Variants in TRHR observed in about 807,000 individuals in gnomAD.
TRHR encodes thyrotropin releasing hormone receptor.
A neutral mutation model predicts 28.0 loss-of-function variants in TRHR; 14 were observed. That is an observed-to-expected ratio of 0.50 (90% CI 0.33 to 0.78). TRHR has a LOEUF of 0.78. Among genes scored for constraint, TRHR ranks in the 30% least tolerant of loss-of-function variants. TRHR has a pLI of 0.02. For missense variants in TRHR, 438 were observed against 469.5 expected (o/e 0.93, Z 0.62); for synonymous variants, 176 against 171.9 (o/e 1.02, Z -0.18).
At chr8:109,116,622 T>G (rs1811926078) in intron 2 of TRHR, among the ~76,000 whole-genome samples, 1 of 152,166 alleles carries the variant, frequency 6.6e-6, no homozygotes, top group Non-Finnish European at 1.5e-5. Context: ...GATGGTAGTT[T>G]GTATTTCTGT....
intron 2 of TRHR, among the ~76,000 whole-genome samples, chr8:109,116,512 C>T (rs988107486): frequency 1.3e-5 from 2 of 152,058 alleles, no homozygotes; most frequent in Non-Finnish European, 2.9e-5. Context: ...GATTCAACTT[C>T]TTCCTGGTTT....
chr8:109,090,831 A>C (rs1339344221), intron 2 of TRHR, among the ~76,000 whole-genome samples: 1 of 152,216 alleles, frequency 6.6e-6, no homozygotes, highest in Non-Finnish European at 1.5e-5. Flanking sequence ...AGGGGCACAT[A>C]GAGTGGGACT....
At chr8:109,112,803 C>T (rs1811855247) in intron 2 of TRHR, among the ~76,000 whole-genome samples, 1 of 152,176 alleles carries the variant, frequency 6.6e-6, no homozygotes, top group South Asian at 2.1e-4. Flanking sequence ...GGGTAGCTAA[C>T]TTTGATACTT....
intron 2 of TRHR, among the ~76,000 whole-genome samples, chr8:109,104,935 C>T (rs1241709764): frequency 6.6e-6 from 1 of 152,074 alleles, no homozygotes; most frequent in East Asian, 1.9e-4. Context: ...GCCTGAGCAA[C>T]ATAGAAACAC....
intron 2 of TRHR, among the ~76,000 whole-genome samples, chr8:109,112,329 G>C (rs1211151035): frequency 6.6e-6 from 1 of 152,056 alleles, no homozygotes; most frequent in African/African-American, 2.4e-5. Context: ...AGGGAATTGA[G>C]GTATGAATCA....
intron 2 of TRHR, among the ~76,000 whole-genome samples, chr8:109,113,117 A>G (rs1279313233): frequency 6.6e-6 from 1 of 152,094 alleles, no homozygotes; most frequent in East Asian, 1.9e-4. Flanking sequence ...GATTTTCTGG[A>G]TATGCTTAAG....
intron 2 of TRHR, among the ~76,000 whole-genome samples, chr8:109,100,040 C>A (rs988361555): frequency 4.6e-5 from 7 of 152,090 alleles, no homozygotes; most frequent in African/African-American, 1.7e-4. Flanking sequence ...TTTTAAAGAT[C>A]ATTTTTGTGT....
intron 2 of TRHR, among the ~76,000 whole-genome samples, chr8:109,093,227 C>G (rs2129876313): frequency 6.6e-6 from 1 of 151,872 alleles, no homozygotes; most frequent in Non-Finnish European, 1.5e-5. Context: ...TCCCTCTCTC[C>G]CATGTGTCTC....
In TRHR at chr8:109,120,717, G is replaced by A. The variant is rs1307997339; in HGVS notation, c.*1262G>A. Among the ~76,000 whole-genome samples, 4 of 151,648 alleles carry A rather than the reference G, an allele frequency of 2.6e-5. No homozygotes were observed. Among genetic ancestry groups the A allele is most frequent in the African/African-American group, 7.3e-5 (3 of 41,336 alleles). On this transcript the variant is annotated 3_prime_UTR_variant, in exon 3 of 3. Coordinates refer to ENST00000518632, the MANE Select transcript of TRHR (RefSeq NM_003301.7). ...TTTATGACTGACATCTGCTATTCCA[G>A]TGTTTATTGGAGACTTGTGAATGAA...
At chr8:109,110,893 C>T (rs1405720463) in intron 2 of TRHR, among the ~76,000 whole-genome samples, 2 of 152,128 alleles carry the variant, frequency 1.3e-5, no homozygotes. Context: ...CGGTGGCTCA[C>T]GCCTGTAATC....
chr8:109,088,226 A>C lies in TRHR; in HGVS notation c.714A>C (p.Ser238=). The part of the protein sequence containing the change: ...KENSKTWKND[S]THQNTNLNVN... Reference sequence around the variant, plus strand: ...ACTCTAAGACATGGAAAAATGATTCAACCCATCAGAACACAAATCTGAATG... The same window carrying C: ...ACTCTAAGACATGGAAAAATGATTCCACCCATCAGAACACAAATCTGAATG... Residue 238 remains serine (S), a synonymous_variant, in exon 2 of 3, where the codon TCA becomes TCC. Transcript: ENST00000518632. The C allele has an allele frequency of 6.2e-7, 1 of 1,614,100 alleles. No homozygotes were observed. The highest frequency in any genetic ancestry group is 1.3e-5 in the African/African-American group (1 of 75,052).
chr8:109,119,156 T>A lies in TRHR; in HGVS notation c.898T>A (p.Trp300Arg), dbSNP rs1389665014. Reference sequence around the variant, plus strand: ...TCTCTCCAGTCCTTTCCAAGAAAATTGGTTTTTGCTCTTTTGCAGAATTTG... The same window carrying A: ...TCTCTCCAGTCCTTTCCAAGAAAATAGGTTTTTGCTCTTTTGCAGAATTTG... The part of the protein sequence containing the change: ...SFLSSPFQEN[W>R]FLLFCRICIY... Residue 300 changes from tryptophan (W) to arginine (R), a missense_variant, in exon 3 of 3, where the codon TGG becomes AGG. Physicochemically the swap from Trp to Arg is moderately radical, Grantham distance 101 (BLOSUM62 -3). Transcript: ENST00000518632. 5.6e-6 allele frequency: 9 copies of A among 1,612,836 alleles called. No homozygotes were observed. Among genetic ancestry groups the A allele is most frequent in the Non-Finnish European group, 7.6e-6 (9 of 1,179,218 alleles).
intron 2 of TRHR, among the ~76,000 whole-genome samples, chr8:109,098,828 C>T (rs2129894003): frequency 6.6e-6 from 1 of 152,290 alleles, no homozygotes; most frequent in African/African-American, 2.4e-5. Context: ...CCACCACTGG[C>T]AGGGTTTGGT....
intron 2 of TRHR, among the ~76,000 whole-genome samples, chr8:109,114,626 C>A (rs1042689289): frequency 1.3e-5 from 2 of 152,046 alleles, no homozygotes; most frequent in African/African-American, 4.8e-5. Flanking sequence ...TAAATTACTT[C>A]TAGTCCCATG....
At chr8:109,093,951 G>C (rs933071682) in intron 2 of TRHR, among the ~76,000 whole-genome samples, 4 of 151,942 alleles carry the variant, frequency 2.6e-5, no homozygotes, top group South Asian at 2.1e-4. Flanking sequence ...GAATTCATGA[G>C]AGGCTACGTA....
At chr8:109,114,310 C>T (rs1156878374) in intron 2 of TRHR, among the ~76,000 whole-genome samples, 1 of 152,050 alleles carries the variant, frequency 6.6e-6, no homozygotes, top group Non-Finnish European at 1.5e-5. Context: ...AAATTTTAAT[C>T]CATTAATTTT....
intron 2 of TRHR, among the ~76,000 whole-genome samples, chr8:109,095,639 CAGAAAAGACAT>C (rs1188638947): frequency 6.6e-6 from 1 of 152,158 alleles, no homozygotes; most frequent in Non-Finnish European, 1.5e-5. Flanking sequence ...TGTGTAGCTT[CAGAAAAGACAT>C]CTCCTGACCC....
chr8:109,106,018 A>G (rs750751659), intron 2 of TRHR, among the ~76,000 whole-genome samples: 1 of 152,180 alleles, frequency 6.6e-6, no homozygotes, highest in Non-Finnish European at 1.5e-5. Context: ...AATTATAAAT[A>G]CACATTAAAT....
intron 2 of TRHR, among the ~76,000 whole-genome samples, chr8:109,113,942 T>G (rs1219230967): frequency 1.3e-5 from 2 of 152,026 alleles, no homozygotes; most frequent in Non-Finnish European, 2.9e-5. Context: ...ATAGCCCTCT[T>G]GAGGAAGTAT....
Sources: gnomAD v4.1 joint callset for allele counts (sites outside exome capture counted in the v4.1 genomes callset) on GRCh38, gnomAD v4.1.1 for gene constraint, MANE v1.5 for transcripts, NCBI Gene and HGNC (gene_info 2026-07-23, HGNC 2026-07-21) for gene names.